Variants in SLC38A9 observed in about 807,000 individuals in gnomAD.
SLC38A9 encodes the protein solute carrier family 38 member 9.
Under a neutral mutation model 62.3 loss-of-function variants are expected in SLC38A9, and 48 were observed. The observed-to-expected ratio is 0.77, with a 90% CI of 0.61 to 0.98. The LOEUF (loss-of-function observed/expected upper bound fraction) is 0.98, where lower values mean the gene tolerates loss of function less well. SLC38A9 is among the 50% of genes least tolerant of loss of function. The probability of loss-of-function intolerance (pLI) is 0.00; values close to 1 mark genes in which losing one functional copy is unlikely to be tolerated. For synonymous variants in SLC38A9, 204 were observed against 227.7 expected (o/e 0.90, Z 0.94); for missense variants, 541 against 679.8 (o/e 0.80, Z 2.27).
rs180857813 is a variant in SLC38A9, at chr5:55,711,668, C to T, written c.-82-169G>A. Among the ~76,000 whole-genome samples the T allele has an allele frequency of 3.7e-3, 571 of 152,272 alleles. 2 individuals carry two copies. The highest frequency in any genetic ancestry group is 0.013 in the African/African-American group (536 of 41,550). On this transcript the variant is annotated intron_variant, in intron 1 of 15. Coordinates refer to ENST00000396865, the MANE Select transcript of SLC38A9 (RefSeq NM_173514.4). ...TCATGGCCCTCACCCCCTCTGTGGT[C>T]CTAGCTCAAGGCCCAAAGGGGGTTC...
chr5:55,676,352 A>T (rs1037693691), intron 3 of SLC38A9, among the ~76,000 whole-genome samples: 3 of 151,984 alleles, frequency 2.0e-5, no homozygotes, highest in Non-Finnish European at 4.4e-5. Context: ...ATTAAAAAAA[A>T]TTTTTTTATA....
At chr5:55,652,756 G>A (rs757132251) in intron 9 of SLC38A9, 33 bp from the exon 10 acceptor site, 2 of 1,455,808 alleles carry the variant, frequency 1.4e-6, no homozygotes, top group Admixed American at 2.3e-5. Flanking sequence ...TAAAGAAGAT[G>A]ACAAAAAACA....
chr5:55,684,242 T>C (rs973802542), intron 3 of SLC38A9, among the ~76,000 whole-genome samples: 1 of 152,230 alleles, frequency 6.6e-6, no homozygotes, highest in African/African-American at 2.4e-5. Flanking sequence ...CTCTTTCTAT[T>C]GTGTATTGAG....
At chr5:55,627,530 G>A (rs766480113) in intron 15 of SLC38A9, among the ~76,000 whole-genome samples, 23 of 152,180 alleles carry the variant, frequency 1.5e-4, no homozygotes, top group Non-Finnish European at 2.6e-4. Context: ...ATGGATTAAG[G>A]AAGCTCTGAC....
chr5:55,631,214 C>T (rs1463397653), intron 14 of SLC38A9, among the ~76,000 whole-genome samples: 1 of 152,146 alleles, frequency 6.6e-6, no homozygotes, highest in African/African-American at 2.4e-5. Flanking sequence ...AACTAAAGCT[C>T]CTGGAGTCCT....
At chr5:55,648,566 G>A (rs1454305299) in intron 11 of SLC38A9, among the ~76,000 whole-genome samples, 1 of 152,136 alleles carries the variant, frequency 6.6e-6, no homozygotes, top group South Asian at 2.1e-4. Flanking sequence ...ATGTATTTGA[G>A]AAAGGATTCA....
chr5:55,639,161 T>C lies in SLC38A9; in HGVS notation c.1168-3504A>G, dbSNP rs1744976230. Among the ~76,000 whole-genome samples the C allele has an allele frequency of 2.0e-5, 3 of 150,964 alleles. No homozygotes were observed. In the South Asian group the frequency reaches 6.3e-4, roughly 31 times the overall value. On this transcript the variant is annotated intron_variant, in intron 12 of 15. Coordinates refer to ENST00000396865, the MANE Select transcript of SLC38A9 (RefSeq NM_173514.4). ...GGTGGTACATGCCTGTTATCTCAGC[T>C]ACTTGGGAGGCTGAGGCAGGAGAAC...
chr5:55,679,173 T>A (rs2150413772), intron 3 of SLC38A9, among the ~76,000 whole-genome samples: 1 of 152,290 alleles, frequency 6.6e-6, no homozygotes, highest in South Asian at 2.1e-4. Context: ...TATATGTACA[T>A]AATTTGCAAA....
chr5:55,649,891 C>T (rs1353254392), intron 10 of SLC38A9, among the ~76,000 whole-genome samples: 1 of 151,856 alleles, frequency 6.6e-6, no homozygotes. Context: ...GAATGCAAAA[C>T]TGCTTCATTT....
chr5:55,634,558 G>A (rs562398314), intron 13 of SLC38A9: 1 of 152,068 alleles, frequency 6.6e-6, no homozygotes, highest in African/African-American at 2.4e-5. Flanking sequence ...ATTCCCAAGG[G>A]AGTAGGCTTT....
Position 55,626,481 on chromosome 5 carries a change from CA to C in SLC38A9, c.*12del, listed in dbSNP as rs1197519996. On this transcript the variant is annotated 3_prime_UTR_variant, in exon 16 of 16. Coordinates refer to ENST00000396865, the MANE Select transcript of SLC38A9 (RefSeq NM_173514.4). The stretch of plus-strand genomic sequence containing the variant: ...ATATCATGAGAGCTCTTGAAAAAAA[CA>C]GTTGAGGTATTTCACATAAAAAACT... 1.2e-6 allele frequency: 2 copies of C among 1,601,004 alleles called. No individual in the cohort carries two copies. Among genetic ancestry groups the C allele is most frequent in the Non-Finnish European group, 1.7e-6 (2 of 1,173,358 alleles).
intron 4 of SLC38A9, among the ~76,000 whole-genome samples, chr5:55,672,180 A>T (rs977274137): frequency 2.0e-5 from 3 of 152,122 alleles, no homozygotes; most frequent in African/African-American, 7.2e-5. Flanking sequence ...AAAATTTCTA[A>T]AAAAATATTT....
intron 2 of SLC38A9, among the ~76,000 whole-genome samples, chr5:55,702,262 ATT>A (rs11316419): frequency 8.9e-4 from 131 of 147,502 alleles, no homozygotes; most frequent in East Asian, 6.3e-3. Context: ...TTTAGCATTA[ATT>A]TTTTTTTTTT....
chr5:55,676,020 C>A (rs951445572), intron 3 of SLC38A9, among the ~76,000 whole-genome samples: 1 of 152,010 alleles, frequency 6.6e-6, no homozygotes, highest in African/African-American at 2.4e-5. Flanking sequence ...TATTATAAAG[C>A]GTAGGGAAAT....
Position 55,650,901 on chromosome 5 carries a change from C to T in SLC38A9, c.953-1587G>A, listed in dbSNP as rs1747273064. Among the ~76,000 whole-genome samples the T allele has an allele frequency of 3.3e-5, 5 of 152,042 alleles. No homozygotes were observed. In the South Asian group the frequency reaches 1.0e-3, roughly 32 times the overall value. On this transcript the variant is annotated intron_variant, in intron 10 of 15. Coordinates refer to ENST00000396865, the MANE Select transcript of SLC38A9 (RefSeq NM_173514.4). ...CCGCCTCCTGGGTTTAAGCAGTTCT[C>T]CTGCCTCAGCCTCCCGAGTAGCTGG...
chr5:55,677,974 G>C (rs868251489), intron 3 of SLC38A9, among the ~76,000 whole-genome samples: 5 of 139,870 alleles, frequency 3.6e-5, no homozygotes, highest in African/African-American at 5.5e-5. Flanking sequence ...AGTGTGTTGG[G>C]AGGGAGGGTA....
intron 12 of SLC38A9, among the ~76,000 whole-genome samples, chr5:55,640,438 A>G (rs1268445168): frequency 3.3e-5 from 5 of 152,240 alleles, no homozygotes. Flanking sequence ...TGGTATTTAC[A>G]TATGAAATAC....
intron 8 of SLC38A9, among the ~76,000 whole-genome samples, chr5:55,663,208 C>T (rs1390774218): frequency 2.9e-5 from 4 of 138,804 alleles, no homozygotes; most frequent in African/African-American, 1.1e-4. Flanking sequence ...GCCTATAATT[C>T]AAGCCTCTTA....
At chr5:55,697,567 T>C (rs1473596198) in intron 3 of SLC38A9, among the ~76,000 whole-genome samples, 4 of 149,818 alleles carry the variant, frequency 2.7e-5, no homozygotes, top group African/African-American at 4.9e-5. Flanking sequence ...GGGTAATCAA[T>C]ACATATTTGT....
Sources: gnomAD v4.1 joint callset for allele counts (sites outside exome capture counted in the v4.1 genomes callset) on GRCh38, gnomAD v4.1.1 for gene constraint, MANE v1.5 for transcripts, NCBI Gene and HGNC (gene_info 2026-07-23, HGNC 2026-07-21) for gene names.